FGF1: variants seen among roughly 807,000 people sequenced by gnomAD.
FGF1 encodes fibroblast growth factor 1, also known as beta-endothelial cell growth factor.
A neutral mutation model predicts 13.4 loss-of-function variants in FGF1; 9 were observed. The ratio of observed to expected loss-of-function variants is 0.67; its 90% CI spans 0.40 to 1.17. FGF1 has a LOEUF of 1.17. Among genes scored for constraint, FGF1 ranks in the 50% most tolerant of loss-of-function variants. FGF1 has a pLI of 0.01. For missense variants in FGF1, 156 were observed against 192.7 expected, an observed-to-expected ratio of 0.81 and a Z score of 1.13; for synonymous variants, 93 against 79.0, an observed-to-expected ratio of 1.18 and a Z score of -0.94.
Position 142,614,042 on chromosome 5 carries a change from A to G in FGF1, c.86T>C (p.Leu29Pro), listed in dbSNP as rs1561554252. 6.2e-7 allele frequency: 1 copy of G among 1,614,116 alleles called. No individual in the cohort carries two copies. Among genetic ancestry groups the G allele is most frequent in the Non-Finnish European group, 8.5e-7 (1 of 1,180,024 alleles). ...PPGNYKKPKL[L>P]YCSNGGHFLR... ...GAAGTGGCCCCCGTTGCTACAGTAG[A>G]GGAGTTTGGGCTTCTTGTAATTCCC... Residue 29 changes from leucine to proline, a missense_variant, in exon 2 of 4, where the codon CTC (leucine) becomes CCC (proline). Coordinates refer to ENST00000337706, the MANE Select transcript of FGF1 (RefSeq NM_000800.5).
intron 2 of FGF1, among the ~76,000 whole-genome samples, chr5:142,613,125 G>A (rs1759430800): frequency 6.6e-6 from 1 of 152,178 alleles, no homozygotes; most frequent in Admixed American, 6.5e-5. Context: ...AGGCTTCTTT[G>A]TAACCTCTGA....
intron 1 of FGF1, among the ~76,000 whole-genome samples, chr5:142,651,658 C>T (rs1767276065): frequency 6.6e-6 from 1 of 152,196 alleles, no homozygotes; most frequent in Non-Finnish European, 1.5e-5. Context: ...ATCCTTCCCT[C>T]CCTCCTAACT....
At position 142,620,611 on chromosome 5, in the gene FGF1, A is replaced by G. The variant is rs149724620; in HGVS notation, c.-34-6450T>C. Among the ~76,000 whole-genome samples the G allele has an allele frequency of 1.2e-3, 180 of 152,344 alleles. 2 individuals are homozygous for G. The highest frequency in any genetic ancestry group is 4.1e-3 in the African/African-American group (169 of 41,580). On this transcript the variant is annotated intron_variant, in intron 1 of 3. Coordinates refer to ENST00000337706, the MANE Select transcript of FGF1 (RefSeq NM_000800.5). ...ATACATAAAACAAAAATTGACAAATATGTAAAGAGAAAGTGACAACTCCGC... is the reference window on the plus strand; with the variant it reads ...ATACATAAAACAAAAATTGACAAATGTGTAAAGAGAAAGTGACAACTCCGC...
At chr5:142,644,859 A>G (rs1238368023) in intron 1 of FGF1, among the ~76,000 whole-genome samples, 2 of 152,104 alleles carry the variant, frequency 1.3e-5, no homozygotes, top group East Asian at 1.9e-4. Context: ...AAGCAACAAA[A>G]CCTTAGCACA....
At chr5:142,658,931 G>C (rs1768655172) in intron 1 of FGF1, among the ~76,000 whole-genome samples, 1 of 152,090 alleles carries the variant, frequency 6.6e-6, no homozygotes, top group South Asian at 2.1e-4. Flanking sequence ...CAGTAATTGT[G>C]AGAAGAAAAC....
chr5:142,652,281 G>A (rs1009019561), intron 1 of FGF1, among the ~76,000 whole-genome samples: 4 of 152,184 alleles, frequency 2.6e-5, no homozygotes, highest in African/African-American at 4.8e-5. Flanking sequence ...TAACGTTTTT[G>A]AAGTAGAGCC....
chr5:142,604,859 T>C (rs964110110), intron 2 of FGF1, among the ~76,000 whole-genome samples: 2 of 152,180 alleles, frequency 1.3e-5, no homozygotes, highest in African/African-American at 4.8e-5. Flanking sequence ...GGGAATGGAT[T>C]GATCCAAATC....
chr5:142,631,206 C>T (rs1375906216), intron 1 of FGF1, among the ~76,000 whole-genome samples: 2 of 152,178 alleles, frequency 1.3e-5, no homozygotes, highest in Non-Finnish European at 2.9e-5. Flanking sequence ...TGTTTTTCCC[C>T]TAGATTATTT....
intron 1 of FGF1, among the ~76,000 whole-genome samples, chr5:142,638,464 T>G (rs77215856): frequency 0.022 from 3,300 of 152,150 alleles, 178 homozygotes; most frequent in African/African-American, 0.075. Flanking sequence ...ATCCCATGTC[T>G]AGCATAAGCC....
chr5:142,617,638 T>G (rs1440635173), intron 1 of FGF1, among the ~76,000 whole-genome samples: 1 of 151,998 alleles, frequency 6.6e-6, no homozygotes, highest in Non-Finnish European at 1.5e-5. Flanking sequence ...GATCCACAAC[T>G]GAAAACCTGA....
intron 2 of FGF1, among the ~76,000 whole-genome samples, chr5:142,611,048 A>G (rs1396132619): frequency 3.9e-5 from 6 of 152,222 alleles, no homozygotes; most frequent in Admixed American, 2.0e-4. Flanking sequence ...CTCTTTCTGA[A>G]GGAAGTCTTA....
rs973778928 is a variant in FGF1 at position 142,614,186 on chromosome 5, A to G, written c.-34-25T>C. 7.6e-6 allele frequency: 12 copies of G among 1,584,774 alleles called. No homozygotes were observed. In the African/African-American group the frequency reaches 1.5e-4, roughly 20 times the overall value. On this transcript the variant is annotated intron_variant, in intron 1 of 3. Coordinates refer to ENST00000337706, the MANE Select transcript of FGF1 (RefSeq NM_000800.5). ...ACTGTAAGAAATTGAACAAACCTGTAGTCGGTTCTTCCAGCAAAGGCACAA... is the reference window on the plus strand; with the variant it reads ...ACTGTAAGAAATTGAACAAACCTGTGGTCGGTTCTTCCAGCAAAGGCACAA...
chr5:142,655,550 T>C (rs1457767705), intron 1 of FGF1, among the ~76,000 whole-genome samples: 1 of 152,202 alleles, frequency 6.6e-6, no homozygotes, highest in Non-Finnish European at 1.5e-5. Flanking sequence ...TTCTTGCTTA[T>C]CCAAAATTAC....
chr5:142,678,561 G>A (rs1271780111), intron 1 of FGF1, among the ~76,000 whole-genome samples: 1 of 152,124 alleles, frequency 6.6e-6, no homozygotes, highest in Non-Finnish European at 1.5e-5. Flanking sequence ...AGCGCCCTCT[G>A]CCCCTTTCCA....
At chr5:142,641,022 A>C (rs907009197) in intron 1 of FGF1, among the ~76,000 whole-genome samples, 3 of 152,050 alleles carry the variant, frequency 2.0e-5, no homozygotes, top group Admixed American at 1.3e-4. Context: ...GGAGACATAC[A>C]TATTACAAAA....
At chr5:142,692,690 CACACACACACACGCACAG>C (rs1315405220) in intron 2 of FGF1, among the ~76,000 whole-genome samples, 2 of 150,874 alleles carry the variant, frequency 1.3e-5, no homozygotes. Flanking sequence ...CACACGCACA[CACACACACACACGCACAG>C]ACACACACAC....
chr5:142,680,186 TA>T (rs1464151947), intron 1 of FGF1: 1 of 152,194 alleles, frequency 6.6e-6, no homozygotes, highest in Non-Finnish European at 1.5e-5. Flanking sequence ...CAATAGGGGA[TA>T]GGGGGTGAAT....
intron 2 of FGF1, among the ~76,000 whole-genome samples, chr5:142,692,497 T>C (rs1752380627): frequency 6.6e-6 from 1 of 152,222 alleles, no homozygotes. Flanking sequence ...GCCTCCCCTG[T>C]AATGATTTAA....
At chr5:142,655,741 C>G (rs1768028518) in intron 1 of FGF1, among the ~76,000 whole-genome samples, 1 of 152,164 alleles carries the variant, frequency 6.6e-6, no homozygotes, top group Admixed American at 6.5e-5. Flanking sequence ...GTGGCCACAG[C>G]AGAAGAAGCT....
Sources: allele counts gnomAD v4.1 joint callset (sites outside exome capture counted in the v4.1 genomes callset), GRCh38; gene constraint gnomAD v4.1.1; transcripts MANE v1.5; gene names NCBI Gene and HGNC (gene_info 2026-07-23, HGNC 2026-07-21).